PDGFD: variants seen among roughly 807,000 people sequenced by gnomAD.
PDGFD encodes platelet derived growth factor D.
Under a neutral mutation model 44.7 loss-of-function variants are expected in PDGFD, and 30 were observed. That is an observed-to-expected ratio of 0.67 (90% confidence interval 0.50 to 0.91). The LOEUF is 0.91. PDGFD is among the 40% of genes least tolerant of loss of function. The probability of loss-of-function intolerance (pLI) is 0.00; values close to 1 mark genes in which losing one functional copy is unlikely to be tolerated. For missense variants in PDGFD, 445 were observed against 457.8 expected (o/e 0.97, Z 0.25); for synonymous variants, 173 against 168.4 (o/e 1.03, Z -0.21).
intron 6 of PDGFD, among the ~76,000 whole-genome samples, chr11:103,911,416 A>C (rs1858026812): frequency 6.6e-6 from 1 of 152,186 alleles, no homozygotes; most frequent in Non-Finnish European, 1.5e-5. Context: ...TAACAAACAG[A>C]AAGGAATAGT....
At chr11:104,142,166 T>C (rs952716692) in intron 1 of PDGFD, among the ~76,000 whole-genome samples, 3 of 152,266 alleles carry the variant, frequency 2.0e-5, no homozygotes, top group East Asian at 3.9e-4. Flanking sequence ...TGAACATATG[T>C]GTGTACATGT....
chr11:104,025,546 T>C (rs1326363668), intron 1 of PDGFD, among the ~76,000 whole-genome samples: 1 of 152,052 alleles, frequency 6.6e-6, no homozygotes, highest in Non-Finnish European at 1.5e-5. Flanking sequence ...ATTTGAGAGG[T>C]CATCCCAGGA....
chr11:104,080,207 A>G (rs868432195), intron 1 of PDGFD, among the ~76,000 whole-genome samples: 5 of 152,330 alleles, frequency 3.3e-5, no homozygotes, highest in Middle Eastern at 3.4e-3. Context: ...CAGAACTTTC[A>G]AAGACTGTAA....
Position 104,045,813 on chromosome 11 carries a change from A to G in PDGFD, c.125-45558T>C, listed in dbSNP as rs544153685. On this transcript the variant is annotated intron_variant, in intron 1 of 6. Transcript: ENST00000393158. ...GAACAGAATGTAAGGTAGGACTGCA[A>G]AAAGGGGTGAGGTAAAAGACAAGCA... 2.0e-5 allele frequency among the ~76,000 whole-genome samples: 3 copies of G among 147,414 alleles called. No individual in the cohort carries two copies. The South Asian group carries it at 6.9e-4, about 34-fold the overall frequency.
At chr11:104,097,531 T>A (rs950452364) in intron 1 of PDGFD, among the ~76,000 whole-genome samples, 3 of 152,182 alleles carry the variant, frequency 2.0e-5, no homozygotes, top group African/African-American at 7.2e-5. Context: ...CTGACATACA[T>A]GAGGTGCTCC....
At chr11:104,140,460 T>A (rs184794720) in intron 1 of PDGFD, among the ~76,000 whole-genome samples, 13 of 142,986 alleles carry the variant, frequency 9.1e-5, no homozygotes, top group African/African-American at 2.8e-4. Flanking sequence ...TCAACAATCC[T>A]CTGTTAAAAC....
At chr11:104,138,167 A>C (rs913002200) in intron 1 of PDGFD, among the ~76,000 whole-genome samples, 4 of 152,228 alleles carry the variant, frequency 2.6e-5, no homozygotes, top group Admixed American at 6.5e-5. Context: ...TAATAATTCT[A>C]TGAATTAAAC....
At chr11:103,947,612 A>G in intron 4 of PDGFD, 50 bp downstream of exon 4, 1 of 1,451,086 alleles carries the variant, frequency 6.9e-7, no homozygotes, top group Non-Finnish European at 9.7e-7. Flanking sequence ...GGTTGACCTT[A>G]GCTGTTCCAT....
At chr11:104,158,493 C>T (rs1862340424) in intron 1 of PDGFD, among the ~76,000 whole-genome samples, 2 of 152,224 alleles carry the variant, frequency 1.3e-5, no homozygotes, top group Admixed American at 1.3e-4. Context: ...GTGCCAGATG[C>T]TCAGTTACTT....
chr11:103,988,124 A>G (rs1032240685), intron 3 of PDGFD, among the ~76,000 whole-genome samples: 1 of 152,132 alleles, frequency 6.6e-6, no homozygotes, highest in African/African-American at 2.4e-5. Context: ...TTAAATATGC[A>G]AGCCATTTTC....
chr11:104,021,753 G>A (rs1479829978), intron 1 of PDGFD, among the ~76,000 whole-genome samples: 3 of 152,136 alleles, frequency 2.0e-5, no homozygotes, highest in Non-Finnish European at 2.9e-5. Flanking sequence ...TGGGATGGTG[G>A]TTATACAGCT....
intron 1 of PDGFD, among the ~76,000 whole-genome samples, chr11:104,016,285 C>T (rs1055094203): frequency 6.6e-6 from 1 of 152,212 alleles, no homozygotes; most frequent in African/African-American, 2.4e-5. Context: ...AATGTGTTGG[C>T]TGCTCTCCTT....
At chr11:104,124,119 T>C (rs1226079522) in intron 1 of PDGFD, among the ~76,000 whole-genome samples, 1 of 151,954 alleles carries the variant, frequency 6.6e-6, no homozygotes, top group Non-Finnish European at 1.5e-5. Flanking sequence ...AACATACAGA[T>C]GGTAATTGCA....
At chr11:103,935,248 A>C (rs536116039) in intron 5 of PDGFD, among the ~76,000 whole-genome samples, 2 of 152,306 alleles carry the variant, frequency 1.3e-5, no homozygotes, top group Admixed American at 1.3e-4. Context: ...TGCGTCTAGG[A>C]TGAAAGCAGA....
chr11:103,909,613 C>A lies in PDGFD; in HGVS notation c.*81G>T. On this transcript the variant is annotated 3_prime_UTR_variant, in exon 7 of 7. Transcript: ENST00000393158. ...TGCAGGCTAGTAGTAAGTTTGGTTG[C>A]TGGTAGGAAAAGGGTCTCTTATCTC... 6.5e-7 allele frequency: 1 copy of A among 1,550,330 alleles called. No homozygotes were observed. The highest frequency in any genetic ancestry group is 8.8e-7 in the Non-Finnish European group (1 of 1,130,118).
intron 1 of PDGFD, among the ~76,000 whole-genome samples, chr11:104,111,936 T>C (rs1172569302): frequency 6.6e-6 from 1 of 152,208 alleles, no homozygotes; most frequent in East Asian, 1.9e-4. Flanking sequence ...GAAATATACA[T>C]CTGCAAATTT....
chr11:104,050,765 C>T (rs1395625367), intron 1 of PDGFD, among the ~76,000 whole-genome samples: 1 of 152,074 alleles, frequency 6.6e-6, no homozygotes, highest in African/African-American at 2.4e-5. Context: ...AACTGTCCCT[C>T]CCCCATCTCC....
chr11:103,962,573 T>C (rs1030638465), intron 3 of PDGFD, among the ~76,000 whole-genome samples: 1 of 152,184 alleles, frequency 6.6e-6, no homozygotes, highest in African/African-American at 2.4e-5. Flanking sequence ...TTGCTACTTA[T>C]CTTGCTAATA....
intron 1 of PDGFD, among the ~76,000 whole-genome samples, chr11:104,080,856 G>A (rs1861035916): frequency 6.6e-6 from 1 of 152,194 alleles, no homozygotes; most frequent in African/African-American, 2.4e-5. Flanking sequence ...GCCATGTCAT[G>A]AGGACACTCA....
Sources: allele counts gnomAD v4.1 joint callset (sites outside exome capture counted in the v4.1 genomes callset), GRCh38; gene constraint gnomAD v4.1.1; transcripts MANE v1.5; gene names NCBI Gene and HGNC (gene_info 2026-07-23, HGNC 2026-07-21).